The following COL15A1 variants were observed in gnomAD, a reference collection of about 807,000 sequenced individuals.
COL15A1 encodes the protein collagen type XV alpha 1 chain.
In COL15A1, 111 loss-of-function variants were observed where a neutral mutation model predicts 165.9. The ratio of observed to expected loss-of-function variants is 0.67; its 90% CI spans 0.57 to 0.78. COL15A1 has a LOEUF of 0.78. Among genes scored for constraint, COL15A1 ranks in the 30% least tolerant of loss-of-function variants. The pLI, the probability that COL15A1 is intolerant of heterozygous loss-of-function variation, is 0.00. For missense variants in COL15A1, 1,745 were observed against 1,789.7 expected (o/e 0.98, Z 0.45); for synonymous variants, 659 against 674.8 (o/e 0.98, Z 0.36).
chr9:99,012,176 A>G (rs188610454), intron 9 of COL15A1, among the ~76,000 whole-genome samples: 4 of 152,382 alleles, frequency 2.6e-5, no homozygotes, highest in Admixed American at 2.6e-4. Context: ...TTTTAAAACT[A>G]GCTTATTAAA....
At chr9:98,979,304 C>G (rs912030844) in intron 2 of COL15A1, among the ~76,000 whole-genome samples, 1 of 152,214 alleles carries the variant, frequency 6.6e-6, no homozygotes, top group Admixed American at 6.5e-5. Flanking sequence ...CCTCCCACCA[C>G]GTTATAACAA....
At position 99,049,804 on chromosome 9, in the gene COL15A1, G is replaced by A. The variant is rs932980159; in HGVS notation, c.2862+46G>A. On this transcript the variant is annotated intron_variant, in intron 29 of 41. Coordinates refer to ENST00000375001, the MANE Select transcript of COL15A1 (RefSeq NM_001855.5). ...AAGACCTTCCCGATTGGCCTAAGCTGGAGTCAGGTGTCCTGTTGACCTCAC... is the reference window on the plus strand; with the variant it reads ...AAGACCTTCCCGATTGGCCTAAGCTAGAGTCAGGTGTCCTGTTGACCTCAC... 13 of 1,614,124 alleles carry A rather than the reference G, an allele frequency of 8.1e-6. No individual in the cohort carries two copies. In the Admixed American group the frequency reaches 1.3e-4, roughly 17 times the overall value.
intron 4 of COL15A1, 61 bp downstream of exon 4, chr9:98,987,429 G>A (rs1588503243): frequency 6.8e-7 from 1 of 1,479,196 alleles, no homozygotes; most frequent in Non-Finnish European, 9.2e-7. Context: ...GCCTGGGGAG[G>A]GCTGGATGCC....
chr9:99,010,476 T>A (rs2118974749), intron 9 of COL15A1, among the ~76,000 whole-genome samples: 1 of 152,186 alleles, frequency 6.6e-6, no homozygotes, highest in African/African-American at 2.4e-5. Flanking sequence ...AAAGAGACAG[T>A]GAGAAGGGGA....
intron 5 of COL15A1, among the ~76,000 whole-genome samples, chr9:98,990,432 T>C (rs748842125): frequency 2.6e-5 from 4 of 152,072 alleles, no homozygotes; most frequent in Non-Finnish European, 4.4e-5. Context: ...TACCTGGTGA[T>C]TGGGGAGGGC....
At chr9:99,060,614 G>A (rs922408056) in intron 36 of COL15A1, among the ~76,000 whole-genome samples, 3 of 151,964 alleles carry the variant, frequency 2.0e-5, no homozygotes, top group Non-Finnish European at 2.9e-5. Flanking sequence ...GCTCGGGTGC[G>A]GTGGCTCACT....
Position 99,004,957 on chromosome 9 carries a change from C to T in COL15A1, c.1260C>T (p.Ala420=). 6 of 1,614,066 alleles carry T rather than the reference C, an allele frequency of 3.7e-6. No homozygotes were observed. Among genetic ancestry groups the T allele is most frequent in the Non-Finnish European group, 5.1e-6 (6 of 1,179,952 alleles). The change falls in exon 9 of 42, where the codon GCC becomes GCT. Residue 420 remains alanine, a synonymous_variant. Coordinates refer to ENST00000375001, the MANE Select transcript of COL15A1 (RefSeq NM_001855.5). ...ATAAGEAEAL[A]SMPGEVEASG... Reference sequence around the variant, plus strand: ...CAGCAGGGGAGGCCGAGGCACTCGCCAGCATGCCTGGGGAAGTGGAGGCCA... The same window carrying T: ...CAGCAGGGGAGGCCGAGGCACTCGCTAGCATGCCTGGGGAAGTGGAGGCCA...
At chr9:99,028,655 A>G (rs950329969) in intron 16 of COL15A1, among the ~76,000 whole-genome samples, 1 of 152,088 alleles carries the variant, frequency 6.6e-6, no homozygotes, top group Non-Finnish European at 1.5e-5. Flanking sequence ...GTCTCCAGAA[A>G]AAATTGAAAA....
At position 99,040,518 on chromosome 9, in the gene COL15A1, C is replaced by A; in HGVS notation, c.2476-3C>A. 6.2e-7 allele frequency: 1 copy of A among 1,614,178 alleles called. No individual in the cohort carries two copies. Among genetic ancestry groups the A allele is most frequent in the South Asian group, 1.1e-5 (1 of 91,078 alleles). On this transcript the variant is annotated splice_polypyrimidine_tract_variant and splice_region_variant and intron_variant, in intron 22 of 41. Transcript: ENST00000375001. ...AGCGTGCTCTATCTTTGGTGTGTCA[C>A]AGGGGCCGGACGGGTTGCCTGGGCT...
chr9:99,038,805 T>C (rs988204933), intron 22 of COL15A1, 72 bp downstream of exon 22: 1 of 880,552 alleles, frequency 1.1e-6, no homozygotes, highest in Non-Finnish European at 1.9e-6. Flanking sequence ...TCGGGTTACT[T>C]TGGAATCCTT....
At chr9:99,039,622 T>A (rs1297896801) in intron 22 of COL15A1, among the ~76,000 whole-genome samples, 5 of 152,178 alleles carry the variant, frequency 3.3e-5, no homozygotes, top group Non-Finnish European at 5.9e-5. Flanking sequence ...GCCTGTAGAA[T>A]AAATACTCAT....
At chr9:98,986,251 C>G (rs1838311808) in intron 3 of COL15A1, 139 bp downstream of exon 3, 1 of 735,824 alleles carries the variant, frequency 1.4e-6, no homozygotes, top group African/African-American at 1.8e-5. Flanking sequence ...GGAAATAACA[C>G]TAGGCCTGGA....
intron 2 of COL15A1, among the ~76,000 whole-genome samples, chr9:98,959,242 A>AAAAAAAAAAACT (rs1837828327): frequency 6.6e-6 from 1 of 151,466 alleles, no homozygotes; most frequent in African/African-American, 2.4e-5. Flanking sequence ...AAAAAAAAAA[A>AAAAAAAAAAACT]AAAAACTAAA....
chr9:98,951,687 C>T (rs1454904517), intron 2 of COL15A1, among the ~76,000 whole-genome samples: 1 of 152,184 alleles, frequency 6.6e-6, no homozygotes, highest in African/African-American at 2.4e-5. Context: ...TCCTCAGCCT[C>T]CTGAGTAGCT....
In COL15A1 at chr9:99,052,394, ACT is replaced by A; in HGVS notation, c.2912_2913del (p.Thr971SerfsTer15). 6.2e-7 allele frequency: 1 copy of A among 1,611,830 alleles called. No individual in the cohort carries two copies. Among genetic ancestry groups the A allele is most frequent in the Non-Finnish European group, 8.5e-7 (1 of 1,177,902 alleles). ...GGCCTTCCTCTCTTTCCAGGTTGATACTGCTCATCCTGGGAGTCCAGAGCTCA... is the reference window on the plus strand; with the variant it reads ...GGCCTTCCTCTCTTTCCAGGTTGATAGCTCATCCTGGGAGTCCAGAGCTCA... ...VRPHCKMPVD[T>X]AHPGSPELIT... On this transcript the variant is annotated frameshift_variant, in exon 31 of 42. Transcript: ENST00000375001. LOFTEE classifies it high-confidence loss of function.
At chr9:99,002,859 C>T (rs1838684970) in intron 7 of COL15A1, among the ~76,000 whole-genome samples, 1 of 152,202 alleles carries the variant, frequency 6.6e-6, no homozygotes, top group African/African-American at 2.4e-5. Flanking sequence ...AAAAGAACCA[C>T]ATTTTTGCAA....
In COL15A1 at chr9:99,044,757, C is replaced by G; in HGVS notation, c.2666C>G (p.Ala889Gly). The change falls in exon 26 of 42, where the codon GCC becomes GGC. Residue 889 changes from alanine to glycine, a missense_variant. Ala to Gly is a moderately conservative substitution (Grantham distance 60). Transcript: ENST00000375001. ...TAGGGTGAACCTGGAATGCATGGAG[C>G]CCCAGGACCAATGGTAAGTCAGAGC... ...GKKGEPGMHGAPGPMGPKGPP... is the reference protein window; with the variant it reads ...GKKGEPGMHGGPGPMGPKGPP... 1 of 1,613,488 alleles carries G rather than the reference C, an allele frequency of 6.2e-7. No homozygotes were observed. The highest frequency in any genetic ancestry group is 8.5e-7 in the Non-Finnish European group (1 of 1,179,466).
rs148865302 is a variant in COL15A1, at chr9:99,069,763, G to T, written c.4044G>T (p.Ala1348=). The part of the protein sequence containing the change: ...YCEAWRTADT[A]VTGLASPLST... ...AAGCATGGCGAACCGCGGACACAGC[G>T]GTCACGGGACTTGCCTCCCCGCTGA... The change falls in exon 42 of 42, where the codon GCG becomes GCT. Residue 1348 remains alanine (A), a synonymous_variant. Transcript: ENST00000375001. 8 of 1,614,102 alleles carry T rather than the reference G, an allele frequency of 5.0e-6. No homozygotes were observed. The highest frequency in any genetic ancestry group is 1.3e-5 in the African/African-American group (1 of 74,938).
In COL15A1 at chr9:99,059,950, C is replaced by G. The variant is rs1236360862; in HGVS notation, c.3399C>G (p.Asn1133Lys). 1.2e-6 allele frequency: 2 copies of G among 1,613,910 alleles called. No individual in the cohort carries two copies. Among genetic ancestry groups the G allele is most frequent in the Non-Finnish European group, 1.7e-6 (2 of 1,179,902 alleles). Residue 1133 changes from asparagine to lysine, a missense_variant, in exon 36 of 42, where the codon AAC becomes AAG. Asn to Lys is a moderately conservative substitution (Grantham distance 94). Transcript: ENST00000375001. ...PGQPGLPGSR[N>K]LVTAFSNMDD... The stretch of plus-strand genomic sequence containing the variant: ...AGCCAGGGCTTCCCGGATCCAGAAA[C>G]CTGGTCAGTATTATCATCAGTGTGT...
Sources: allele counts gnomAD v4.1 joint callset (sites outside exome capture counted in the v4.1 genomes callset), GRCh38; gene constraint gnomAD v4.1.1; transcripts MANE v1.5; gene names NCBI Gene and HGNC (gene_info 2026-07-23, HGNC 2026-07-21).